Variants in ALDH1A2 observed in about 807,000 individuals in gnomAD.
The protein encoded by ALDH1A2 is aldehyde dehydrogenase 1 family member A2.
In ALDH1A2, 27 loss-of-function variants were observed where a neutral mutation model predicts 60.3. The observed-to-expected ratio is 0.45, with a 90% CI of 0.33 to 0.62. The LOEUF (loss-of-function observed/expected upper bound fraction) is 0.62, where lower values mean the gene tolerates loss of function less well. Ranked by LOEUF, ALDH1A2 falls within the 20% of genes least tolerant of loss-of-function variation. The pLI, the probability that ALDH1A2 is intolerant of heterozygous loss-of-function variation, is 0.02. For synonymous variants in ALDH1A2, 289 were observed against 232.4 expected, an observed-to-expected ratio of 1.24 and a Z score of -2.21; for missense variants, 581 against 643.8, an observed-to-expected ratio of 0.90 and a Z score of 1.06.
intron 12 of ALDH1A2, among the ~76,000 whole-genome samples, chr15:57,958,215 C>T (rs1186478287): frequency 2.2e-5 from 1 of 44,890 alleles, no homozygotes; most frequent in Non-Finnish European, 7.0e-5. Flanking sequence ...TACACGCACG[C>T]ACACACACAC....
chr15:57,960,714 C>T, intron 12 of ALDH1A2, 56 bp downstream of exon 12: 1 of 1,447,246 alleles, frequency 6.9e-7, no homozygotes, highest in East Asian at 2.3e-5. Flanking sequence ...AAGTACTGCT[C>T]TGTGCTGATA....
intron 1 of ALDH1A2, among the ~76,000 whole-genome samples, chr15:58,019,114 C>G (rs1299271362): frequency 6.6e-6 from 1 of 151,790 alleles, no homozygotes; most frequent in African/African-American, 2.4e-5. Context: ...TATTTTTGAA[C>G]TTTATTTTTG....
chr15:57,988,566 T>C (rs1316499467), intron 7 of ALDH1A2, among the ~76,000 whole-genome samples: 1 of 152,196 alleles, frequency 6.6e-6, no homozygotes, highest in Non-Finnish European at 1.5e-5. Flanking sequence ...GAATCAGTGG[T>C]TGCCAGAAGC....
intron 8 of ALDH1A2, among the ~76,000 whole-genome samples, chr15:57,965,021 A>T (rs1486974347): frequency 6.6e-6 from 1 of 152,034 alleles, no homozygotes; most frequent in Non-Finnish European, 1.5e-5. Flanking sequence ...GGGAAAAAAA[A>T]AAAAGAATCA....
At chr15:57,983,336 G>A (rs1894579168) in intron 7 of ALDH1A2, among the ~76,000 whole-genome samples, 1 of 152,058 alleles carries the variant, frequency 6.6e-6, no homozygotes, top group African/African-American at 2.4e-5. Flanking sequence ...GAGTCCCTGA[G>A]GACTCACGAG....
chr15:57,967,969 G>C (rs774153275), intron 7 of ALDH1A2, among the ~76,000 whole-genome samples: 1 of 152,142 alleles, frequency 6.6e-6, no homozygotes, highest in Admixed American at 6.5e-5. Flanking sequence ...TGACTGGTAA[G>C]GGGGAACTCA....
chr15:57,984,042 C>A (rs750862504), intron 7 of ALDH1A2, among the ~76,000 whole-genome samples: 1 of 152,214 alleles, frequency 6.6e-6, no homozygotes, highest in Admixed American at 6.5e-5. Flanking sequence ...CTAAGTACCT[C>A]CATTAATATG....
At chr15:58,040,454 A>T (rs1003005929) in intron 1 of ALDH1A2, among the ~76,000 whole-genome samples, 3 of 151,966 alleles carry the variant, frequency 2.0e-5, no homozygotes, top group Non-Finnish European at 4.4e-5. Flanking sequence ...AACGAACGTT[A>T]TGAGGGGCCC....
chr15:58,044,704 C>T (rs1253900338), intron 1 of ALDH1A2, among the ~76,000 whole-genome samples: 1 of 151,916 alleles, frequency 6.6e-6, no homozygotes, highest in Non-Finnish European at 1.5e-5. Flanking sequence ...AAATTATTTT[C>T]CTAGGCATAT....
At chr15:58,035,457 TTTTTG>T (rs1288371951) in intron 1 of ALDH1A2, among the ~76,000 whole-genome samples, 2 of 55,910 alleles carry the variant, frequency 3.6e-5, no homozygotes, top group Non-Finnish European at 1.2e-4. Flanking sequence ...TGTGCTATAA[TTTTTG>T]TTATTTTTTT....
intron 1 of ALDH1A2, among the ~76,000 whole-genome samples, chr15:58,053,341 C>A (rs1348420092): frequency 6.6e-6 from 1 of 152,104 alleles, no homozygotes; most frequent in African/African-American, 2.4e-5. Context: ...TTTTAGTTCA[C>A]TGAAATTATA....
At chr15:58,020,328 T>C (rs1480224041) in intron 1 of ALDH1A2, among the ~76,000 whole-genome samples, 1 of 152,204 alleles carries the variant, frequency 6.6e-6, no homozygotes, top group Non-Finnish European at 1.5e-5. Flanking sequence ...TTTGGGTGTA[T>C]ACCCAGTAAT....
rs192449337 is a variant in ALDH1A2 at position 58,002,400 on chromosome 15, A to T, written c.494-7261T>A. On this transcript the variant is annotated intron_variant, in intron 4 of 12. Transcript: ENST00000249750. ...GAGAAATATTTAATTAGAAAAATTT[A>T]ATTATTTGGATAATTCATTCAAGGC... 1.6e-3 allele frequency among the ~76,000 whole-genome samples: 250 copies of T among 152,096 alleles called. 2 individuals are homozygous for T. The highest frequency in any genetic ancestry group is 0.011 in the Admixed American group (164 of 15,246).
chr15:57,990,100 C>T (rs1894844522), intron 7 of ALDH1A2: 1 of 151,056 alleles, frequency 6.6e-6, no homozygotes, highest in Non-Finnish European at 1.5e-5. Flanking sequence ...ACATGGCAAA[C>T]AACTGTTTTA....
intron 7 of ALDH1A2, among the ~76,000 whole-genome samples, chr15:57,979,315 A>G (rs1404849537): frequency 6.6e-6 from 1 of 152,044 alleles, no homozygotes; most frequent in African/African-American, 2.4e-5. Context: ...TTGTTAATGC[A>G]TCCTGAAACT....
intron 8 of ALDH1A2, among the ~76,000 whole-genome samples, 169 bp downstream of exon 8, chr15:57,965,556 T>C (rs1243794600): frequency 6.6e-6 from 1 of 152,178 alleles, no homozygotes; most frequent in African/African-American, 2.4e-5. Flanking sequence ...AGTCGTCAAC[T>C]GAAAAGTGCT....
chr15:57,962,676 T>A (rs1288330156), intron 9 of ALDH1A2, among the ~76,000 whole-genome samples: 3 of 152,048 alleles, frequency 2.0e-5, no homozygotes, highest in Non-Finnish European at 2.9e-5. Flanking sequence ...ATATTAACAG[T>A]AAAGAGTGAA....
At chr15:58,018,341 GAATA>G (rs1351952800) in intron 1 of ALDH1A2, among the ~76,000 whole-genome samples, 2 of 152,014 alleles carry the variant, frequency 1.3e-5, no homozygotes, top group East Asian at 1.9e-4. Flanking sequence ...ATTTTTAAAT[GAATA>G]AATAAATAAA....
At chr15:58,000,780 T>C (rs1895238469) in intron 4 of ALDH1A2, among the ~76,000 whole-genome samples, 1 of 151,816 alleles carries the variant, frequency 6.6e-6, no homozygotes, top group Admixed American at 6.6e-5. Flanking sequence ...AGGTCTAGGA[T>C]GGGACCAGAG....
Sources: allele counts gnomAD v4.1 joint callset (sites outside exome capture counted in the v4.1 genomes callset), GRCh38; gene constraint gnomAD v4.1.1; transcripts MANE v1.5; gene names NCBI Gene and HGNC (gene_info 2026-07-23, HGNC 2026-07-21).